Variants in ZBTB38 observed in about 807,000 individuals in gnomAD.
The protein encoded by ZBTB38 is zinc finger and BTB domain-containing protein 38.
ZBTB38 carries 20 observed loss-of-function variants against 76.8 expected under a neutral mutation model. The ratio of observed to expected loss-of-function variants is 0.26; its 90% CI spans 0.18 to 0.38. ZBTB38 has a LOEUF of 0.38. Among genes scored for constraint, ZBTB38 ranks in the 10% least tolerant of loss-of-function variants. ZBTB38 has a pLI of 1.00. For synonymous variants in ZBTB38, 504 were observed against 544.2 expected, an observed-to-expected ratio of 0.93 and a Z score of 1.03; for missense variants, 1,082 against 1,482.3, an observed-to-expected ratio of 0.73 and a Z score of 4.43.
At chr3:141,391,930 T>C (rs1006994287) in intron 4 of ZBTB38, among the ~76,000 whole-genome samples, 8 of 152,208 alleles carry the variant, frequency 5.3e-5, no homozygotes, top group African/African-American at 1.7e-4. Flanking sequence ...AGGTTTTTTT[T>C]CCTCTATTAG....
In ZBTB38 at chr3:141,413,486, C is replaced by T. The variant is rs1317293718; in HGVS notation, c.-1+9455C>T. 6.6e-6 allele frequency among the ~76,000 whole-genome samples: 1 copy of T among 152,174 alleles called. No individual in the cohort carries two copies. The highest frequency in any genetic ancestry group is 1.5e-5 in the Non-Finnish European group (1 of 68,046). On this transcript the variant is annotated intron_variant, in intron 5 of 5. Coordinates refer to ENST00000321464, the MANE Select transcript of ZBTB38 (RefSeq NM_001376113.1). The surrounding 1 kb of genome is among the most constrained non-coding windows in gnomAD (Gnocchi z 4.1). ...TGACCCTATTGTTTTGAATACCTGA[C>T]AGCTGGATGGTCCAGGCCCTATTTC... is the stretch of plus-strand genomic sequence containing the variant.
At chr3:141,379,693 C>G (rs553817059) in intron 2 of ZBTB38, among the ~76,000 whole-genome samples, 29 of 152,312 alleles carry the variant, frequency 1.9e-4, no homozygotes, top group African/African-American at 6.5e-4. Flanking sequence ...AAACCTGCAG[C>G]TTATTTTTAG....
At chr3:141,345,045 C>A (rs559096254) in intron 1 of ZBTB38, among the ~76,000 whole-genome samples, 139 of 152,340 alleles carry the variant, frequency 9.1e-4, no homozygotes, top group African/African-American at 2.8e-3. Flanking sequence ...TATTTCCAGA[C>A]ACTTCTTGTC....
chr3:141,425,441 T>A (rs1004202610), intron 5 of ZBTB38, among the ~76,000 whole-genome samples: 9 of 152,254 alleles, frequency 5.9e-5, no homozygotes, highest in Admixed American at 5.2e-4. Context: ...AAAGTAGAAT[T>A]TATGGAAAAT....
At chr3:141,409,833 G>C (rs1467468503) in intron 5 of ZBTB38, among the ~76,000 whole-genome samples, 2 of 152,188 alleles carry the variant, frequency 1.3e-5, no homozygotes, top group Non-Finnish European at 2.9e-5. Flanking sequence ...CTGCTCCTTG[G>C]GGGATTGCCC....
At chr3:141,410,473 C>G (rs1468706557) in intron 5 of ZBTB38, among the ~76,000 whole-genome samples, 1 of 152,194 alleles carries the variant, frequency 6.6e-6, no homozygotes, top group Admixed American at 6.5e-5. Flanking sequence ...AAAGTGGGAA[C>G]AGAACCCACT....
chr3:141,358,223 A>G (rs925121291), intron 1 of ZBTB38, among the ~76,000 whole-genome samples: 3 of 152,324 alleles, frequency 2.0e-5, no homozygotes, highest in Admixed American at 6.5e-5. Flanking sequence ...CTGGCTTTCC[A>G]GGCAGAAATA....
At chr3:141,376,348 C>G (rs950059959) in intron 2 of ZBTB38, among the ~76,000 whole-genome samples, 5 of 152,188 alleles carry the variant, frequency 3.3e-5, no homozygotes, top group Non-Finnish European at 5.9e-5. Flanking sequence ...TCCACAGGAT[C>G]CTCCCAGGGC....
chr3:141,407,611 C>T (rs1955012608), intron 5 of ZBTB38, among the ~76,000 whole-genome samples: 1 of 152,188 alleles, frequency 6.6e-6, no homozygotes, highest in African/African-American at 2.4e-5. Context: ...GGGTTAGTCC[C>T]AGTGATCATC....
intron 5 of ZBTB38, chr3:141,431,757 G>A (rs892486681): frequency 1.3e-5 from 2 of 152,172 alleles, no homozygotes; most frequent in African/African-American, 4.8e-5. Flanking sequence ...TCTGCTGAGT[G>A]CACTCCAGCA....
At chr3:141,384,567 C>T (rs1055853393) in intron 3 of ZBTB38, among the ~76,000 whole-genome samples, 3 of 152,202 alleles carry the variant, frequency 2.0e-5, no homozygotes, top group Admixed American at 6.5e-5. Context: ...CCTCCCACCC[C>T]ACTCTAAGGA....
chr3:141,346,158 A>T (rs1482446157), intron 1 of ZBTB38, among the ~76,000 whole-genome samples: 1 of 152,130 alleles, frequency 6.6e-6, no homozygotes, highest in Non-Finnish European at 1.5e-5. Context: ...CACCTCAGAG[A>T]GTCTCCACCC....
At chr3:141,331,295 T>G (rs1229002724) in intron 1 of ZBTB38, among the ~76,000 whole-genome samples, 1 of 152,250 alleles carries the variant, frequency 6.6e-6, no homozygotes, top group African/African-American at 2.4e-5. Context: ...TCCTTGGTTA[T>G]GTTCCCACCT....
At position 141,413,940 on chromosome 3, in the gene ZBTB38, T is replaced by C. The variant is rs1185129476; in HGVS notation, c.-1+9909T>C. Among the ~76,000 whole-genome samples, 1 of 152,198 alleles carries C rather than the reference T, an allele frequency of 6.6e-6. No individual in the cohort carries two copies. Among genetic ancestry groups the C allele is most frequent in the African/African-American group, 2.4e-5 (1 of 41,440 alleles). On this transcript the variant is annotated intron_variant, in intron 5 of 5. Coordinates refer to ENST00000321464, the MANE Select transcript of ZBTB38 (RefSeq NM_001376113.1). The surrounding 1 kb of genome is among the most constrained non-coding windows in gnomAD (Gnocchi z 4.1). Reference sequence around the variant, plus strand: ...TAGTATGTCACCCAAATATATTCTGTGGTAAGGCTTCTCAACACCTGTTCT... The same window carrying C: ...TAGTATGTCACCCAAATATATTCTGCGGTAAGGCTTCTCAACACCTGTTCT...
upstream of ZBTB38, among the ~76,000 whole-genome samples, chr3:141,365,090 A>G (rs1943927569): frequency 6.6e-6 from 1 of 152,202 alleles, no homozygotes; most frequent in Admixed American, 6.5e-5. Flanking sequence ...TTGCACATGA[A>G]TGTTCATAGC....
intron 4 of ZBTB38, chr3:141,387,390 T>C (rs2149263693): frequency 6.6e-6 from 1 of 152,354 alleles, no homozygotes; most frequent in South Asian, 2.1e-4. Flanking sequence ...GTATTGTTAA[T>C]TAATGTGAAT....
Position 141,443,401 on chromosome 3 carries a change from C to T in ZBTB38, c.1013C>T (p.Pro338Leu), listed in dbSNP as rs746523617. The T allele has an allele frequency of 7.4e-6, 12 of 1,614,102 alleles. No homozygotes were observed. The highest frequency in any genetic ancestry group is 5.9e-6 in the Non-Finnish European group (7 of 1,180,048). Residue 338 changes from proline (P) to leucine (L), a missense_variant, in exon 6 of 6, where the codon CCA becomes CTA. This residue lies in a region of ZBTB38 where 324 missense variants were observed against 359.1 expected (regional missense o/e 0.90). Coordinates refer to ENST00000321464, the MANE Select transcript of ZBTB38 (RefSeq NM_001376113.1). The surrounding 1 kb of genome is among the most constrained non-coding windows in gnomAD (Gnocchi z 5.6). ...DVPGPPAAEV[P>L]PLVYNCSCCS... The stretch of plus-strand genomic sequence containing the variant: ...CCCGGGCCGCCAGCCGCAGAGGTTC[C>T]ACCTCTGGTGTACAATTGTAGCTGC...
At chr3:141,350,979 G>T (rs74907447) in intron 1 of ZBTB38, among the ~76,000 whole-genome samples, 1 of 152,346 alleles carries the variant, frequency 6.6e-6, no homozygotes, top group Non-Finnish European at 1.5e-5. Flanking sequence ...AGTAGTACTG[G>T]AGAAGACAGT....
chr3:141,389,529 A>G (rs1002093283), intron 4 of ZBTB38: 1 of 148,882 alleles, frequency 6.7e-6, no homozygotes, highest in Admixed American at 6.8e-5. Context: ...CATTTTGAAT[A>G]TAGTATCAAT....
Sources: allele counts gnomAD v4.1 joint callset (sites outside exome capture counted in the v4.1 genomes callset), GRCh38; gene constraint gnomAD v4.1.1; regional missense constraint gnomAD v4.1.1; non-coding constraint Gnocchi (gnomAD v3.1); transcripts MANE v1.5; gene names NCBI Gene and HGNC (gene_info 2026-07-23, HGNC 2026-07-21).